Variants in MPPED1 observed in about 807,000 individuals in gnomAD.
The protein encoded by MPPED1 is metallophosphoesterase domain-containing protein 1.
A neutral mutation model predicts 36.2 loss-of-function variants in MPPED1; 16 were observed. The ratio of observed to expected loss-of-function variants is 0.44; its 90% CI spans 0.30 to 0.67. MPPED1 has a LOEUF of 0.67. Among genes scored for constraint, MPPED1 ranks in the 30% least tolerant of loss-of-function variants. The pLI, the probability that MPPED1 is intolerant of heterozygous loss-of-function variation, is 0.10. For synonymous variants in MPPED1, 199 were observed against 191.3 expected (o/e 1.04, Z -0.33); for missense variants, 307 against 453.4 (o/e 0.68, Z 2.93).
chr22:43,505,432 C>T, intron 6 of MPPED1, 66 bp from the exon 7 acceptor site: 1 of 1,442,860 alleles, frequency 6.9e-7, no homozygotes, highest in South Asian at 1.3e-5. Flanking sequence ...CCTATGACTG[C>T]CACACCCCCC....
chr22:43,481,424 C>A (rs1173402094), intron 4 of MPPED1, among the ~76,000 whole-genome samples: 1 of 152,124 alleles, frequency 6.6e-6, no homozygotes, highest in East Asian at 1.9e-4. Context: ...CCTACTAGGG[C>A]GTCTGAGGCT....
At chr22:43,473,681 G>T (rs1405416183) in intron 3 of MPPED1, among the ~76,000 whole-genome samples, 1 of 152,200 alleles carries the variant, frequency 6.6e-6, no homozygotes, top group Non-Finnish European at 1.5e-5. Flanking sequence ...CCCAAGCCTG[G>T]GGTCAGGCTG....
chr22:43,412,049 G>A lies in MPPED1; in HGVS notation c.-188G>A. 1.0e-6 allele frequency: 1 copy of A among 979,214 alleles called. No homozygotes were observed. The highest frequency in any genetic ancestry group is 1.2e-6 in the Non-Finnish European group (1 of 827,450). 60.7% of individuals were successfully genotyped at this position (979,214 alleles called of 1,614,324 possible). On this transcript the variant is annotated 5_prime_UTR_variant, in exon 1 of 7. Coordinates refer to ENST00000443721, the MANE Select transcript of MPPED1 (RefSeq NM_001044370.2). ...TCGGACGCGCGGCGAGGCGGCCGCC[G>A]CCGGAGGAGCCCCCGCCCCTGCGCG...
At chr22:43,449,674 G>A (rs1354712781) in intron 3 of MPPED1, among the ~76,000 whole-genome samples, 1 of 152,138 alleles carries the variant, frequency 6.6e-6, no homozygotes, top group African/African-American at 2.4e-5. Context: ...CATGCATCAG[G>A]GGGACATGGT....
In MPPED1 at chr22:43,502,066, C is replaced by A. The variant is rs936144172; in HGVS notation, c.749-578C>A. On this transcript the variant is annotated intron_variant, in intron 5 of 6. Transcript: ENST00000443721. This position sits in a 1 kb window ranked among gnomAD's most constrained non-coding sequence, Gnocchi z 5.5. The stretch of plus-strand genomic sequence containing the variant: ...GGATAATAAGCAGCCACCATCTGGG[C>A]GGCTCCAGGAGGCTGGCAGCGGGGG... Among the ~76,000 whole-genome samples the A allele has an allele frequency of 6.6e-6, 1 of 152,132 alleles. No homozygotes were observed. Among genetic ancestry groups the A allele is most frequent in the South Asian group, 2.1e-4 (1 of 4,830 alleles).
At position 43,441,465 on chromosome 22, in the gene MPPED1, G is replaced by T. The variant is rs576859154; in HGVS notation, c.406+6250G>T. The stretch of plus-strand genomic sequence containing the variant: ...CAGGGCGGAGACCATACCCTGGTCA[G>T]CACGGGTCCTCAGAGCCCAGCCCAG... On this transcript the variant is annotated intron_variant, in intron 3 of 6. Transcript: ENST00000443721. Among the ~76,000 whole-genome samples, 18 of 152,314 alleles carry T rather than the reference G, an allele frequency of 1.2e-4. No homozygotes were observed. In the East Asian group the frequency reaches 3.5e-3, roughly 29 times the overall value.
rs376285838 is a variant in MPPED1 at position 43,424,970 on chromosome 22, C to T, written c.-16C>T. On this transcript the variant is annotated 5_prime_UTR_variant, in exon 2 of 7. Transcript: ENST00000443721. ...GCGGCAGCGGTGGGAGATGCCGGGG[C>T]GGCCGGCGGAGGTCCATGTGGCGCT... is the stretch of plus-strand genomic sequence containing the variant. 1,176 of 1,564,716 alleles carry T rather than the reference C, an allele frequency of 7.5e-4. 13 individuals are homozygous for T. Among genetic ancestry groups the T allele is most frequent in the Middle Eastern group, 5.9e-3 (35 of 5,956 alleles).
At chr22:43,468,867 C>T (rs1024992289) in intron 3 of MPPED1, among the ~76,000 whole-genome samples, 1 of 152,100 alleles carries the variant, frequency 6.6e-6, no homozygotes, top group Non-Finnish European at 1.5e-5. Flanking sequence ...TGCTTAGCTT[C>T]CGTTGGGTTG....
chr22:43,486,167 T>C (rs993174681), intron 4 of MPPED1, among the ~76,000 whole-genome samples: 5 of 151,194 alleles, frequency 3.3e-5, no homozygotes, highest in South Asian at 2.1e-4. Context: ...CATGCAGGCA[T>C]GCCCTCACTT....
intron 5 of MPPED1, 59 bp downstream of exon 5, chr22:43,498,409 G>C: frequency 7.3e-7 from 1 of 1,369,314 alleles, no homozygotes; most frequent in South Asian, 1.3e-5. Context: ...GGTGGGCTCT[G>C]GGATGGGGGG....
intron 3 of MPPED1, among the ~76,000 whole-genome samples, chr22:43,450,456 C>T (rs1158390995): frequency 6.6e-6 from 1 of 152,228 alleles, no homozygotes; most frequent in African/African-American, 2.4e-5. Context: ...TCCTGAGAGA[C>T]CTCTCGAGTT....
At chr22:43,416,976 T>G (rs1929097507) in intron 1 of MPPED1, 6 of 985,310 alleles carry the variant, frequency 6.1e-6, no homozygotes, top group Non-Finnish European at 7.2e-6. Flanking sequence ...ATTAAAGGAA[T>G]AAGTGAGCAG....
At chr22:43,457,764 A>C (rs1190375744) in intron 3 of MPPED1, among the ~76,000 whole-genome samples, 2 of 152,200 alleles carry the variant, frequency 1.3e-5, no homozygotes, top group Non-Finnish European at 2.9e-5. Context: ...TAATTTCATA[A>C]ATATACAAAA....
rs558019643 is a variant in MPPED1, at chr22:43,471,839, G to A, written c.407-2897G>A. Among the ~76,000 whole-genome samples, 16 of 152,336 alleles carry A rather than the reference G, an allele frequency of 1.1e-4. No homozygotes were observed. In the South Asian group the frequency reaches 3.1e-3, roughly 30 times the overall value. ...TTCTTGGAGCTCTCCCATGAGCACA[G>A]CAAGCAGAGTTCCCAGCGTCCATCA... On this transcript the variant is annotated intron_variant, in intron 3 of 6. Coordinates refer to ENST00000443721, the MANE Select transcript of MPPED1 (RefSeq NM_001044370.2).
rs542398808 is a variant in MPPED1 at position 43,497,929 on chromosome 22, G to GTATGTATA, written c.633-303_633-302insGTATATAT. Among the ~76,000 whole-genome samples the GTATGTATA allele has an allele frequency of 1.0e-3, 51 of 48,762 alleles. 3 individuals carry two copies. Among genetic ancestry groups the GTATGTATA allele is most frequent in the African/African-American group, 3.2e-3 (51 of 15,860 alleles). The allele number at this position is 48,762 out of a possible 152,430, so 32.0% of individuals were successfully genotyped here. A position where few individuals can be genotyped will look rare whatever the true frequency, so the allele number is the denominator to read the frequency against. On this transcript the variant is annotated intron_variant, in intron 4 of 6. Transcript: ENST00000443721. ...CTTAGGAAGAAGCTGATATATATAT[G>GTATGTATA]TATATGTATATATATATATGTATTT...
intron 3 of MPPED1, among the ~76,000 whole-genome samples, chr22:43,445,353 CT>C (rs1930298271): frequency 6.6e-6 from 1 of 152,038 alleles, no homozygotes; most frequent in Admixed American, 6.6e-5. Flanking sequence ...ATTGAAGTTT[CT>C]TTTTTTCGCC....
chr22:43,498,021 A>C, intron 4 of MPPED1, among the ~76,000 whole-genome samples: 1 of 150,732 alleles, frequency 6.6e-6, no homozygotes, highest in East Asian at 1.9e-4. Flanking sequence ...GGTAAGCAGA[A>C]GGAGAGAGGA....
chr22:43,470,615 C>T (rs1037209684), intron 3 of MPPED1, among the ~76,000 whole-genome samples: 1 of 152,238 alleles, frequency 6.6e-6, no homozygotes, highest in Non-Finnish European at 1.5e-5. Context: ...CACTGAGAGG[C>T]GGGGTAGCAT....
rs1349716805 is a variant in MPPED1, at chr22:43,507,631, T to G, written c.*2015T>G. 2 of 152,160 alleles carry G rather than the reference T, an allele frequency of 1.3e-5. No homozygotes were observed. Among genetic ancestry groups the G allele is most frequent in the African/African-American group, 2.4e-5 (1 of 41,420 alleles). 9.4% of individuals were successfully genotyped at this position (152,160 alleles called of 1,614,324 possible). A position where few individuals can be genotyped will look rare whatever the true frequency, so the allele number is the denominator to read the frequency against. On this transcript the variant is annotated 3_prime_UTR_variant, in exon 7 of 7. Coordinates refer to ENST00000443721, the MANE Select transcript of MPPED1 (RefSeq NM_001044370.2). Reference sequence around the variant, plus strand: ...CAAGAACGATAAACTTAAAAAAATTTTTTTCCTAAGGTATCTTCAGAATAT... The same window carrying G: ...CAAGAACGATAAACTTAAAAAAATTGTTTTCCTAAGGTATCTTCAGAATAT...
Sources: gnomAD v4.1 joint callset for allele counts (sites outside exome capture counted in the v4.1 genomes callset) on GRCh38, gnomAD v4.1.1 for gene constraint, Gnocchi (gnomAD v3.1) non-coding constraint, MANE v1.5 for transcripts, NCBI Gene and HGNC (gene_info 2026-07-23, HGNC 2026-07-21) for gene names.